The following KIAA1328 variants were observed in gnomAD, a reference collection of about 807,000 sequenced individuals.
KIAA1328 encodes the protein KIAA1328.
KIAA1328 carries 52 observed loss-of-function variants against 68.1 expected under a neutral mutation model. The ratio of observed to expected loss-of-function variants is 0.76; its 90% CI spans 0.61 to 0.96. The LOEUF is 0.96. Ranked by LOEUF, KIAA1328 falls within the 40% of genes least tolerant of loss-of-function variation. The pLI, the probability that KIAA1328 is intolerant of heterozygous loss-of-function variation, is 0.00. For missense variants in KIAA1328, 641 were observed against 677.6 expected, an observed-to-expected ratio of 0.95 and a Z score of 0.60; for synonymous variants, 232 against 239.4, an observed-to-expected ratio of 0.97 and a Z score of 0.28.
intron 9 of KIAA1328, among the ~76,000 whole-genome samples, chr18:37,189,435 C>T (rs1253061170): frequency 6.6e-6 from 1 of 152,112 alleles, no homozygotes; most frequent in Non-Finnish European, 1.5e-5. Context: ...CAGAATTTTT[C>T]ATATCAGAGG....
intron 4 of KIAA1328, among the ~76,000 whole-genome samples, chr18:36,856,325 C>T (rs939207410): frequency 6.6e-6 from 1 of 151,968 alleles, no homozygotes; most frequent in Admixed American, 6.6e-5. Flanking sequence ...TGTTGATACC[C>T]TCGATGTCAT....
At chr18:36,875,642 C>G (rs1432745678) in intron 4 of KIAA1328, among the ~76,000 whole-genome samples, 1 of 152,086 alleles carries the variant, frequency 6.6e-6, no homozygotes, top group Non-Finnish European at 1.5e-5. Context: ...CTCTTCTTCT[C>G]TTCGAATACC....
rs1293741758 is a variant in KIAA1328, at chr18:36,834,309, C to T, written c.59-11C>T. 3 of 1,572,350 alleles carry T rather than the reference C, an allele frequency of 1.9e-6. No homozygotes were observed. The highest frequency in any genetic ancestry group is 1.8e-5 in the Admixed American group (1 of 55,168). The stretch of plus-strand genomic sequence containing the variant: ...ATATTATTGTATTTTCCTTCATGTT[C>T]TCCTGCGTAGTTTCTGATGAAGAAC... On this transcript the variant is annotated splice_polypyrimidine_tract_variant and intron_variant, in intron 1 of 9. Transcript: ENST00000280020.
intron 4 of KIAA1328, among the ~76,000 whole-genome samples, chr18:36,866,379 A>T (rs1226286054): frequency 6.6e-6 from 1 of 151,972 alleles, no homozygotes; most frequent in African/African-American, 2.4e-5. Flanking sequence ...TTCTGTACAG[A>T]TGCTCTCTTT....
chr18:36,954,277 T>C (rs1181750529), intron 5 of KIAA1328, among the ~76,000 whole-genome samples: 3 of 152,216 alleles, frequency 2.0e-5, no homozygotes, highest in Admixed American at 2.0e-4. Flanking sequence ...TGATTGTTTC[T>C]TACAGCATCA....
chr18:37,195,962 C>G (rs1599565968), intron 9 of KIAA1328, among the ~76,000 whole-genome samples: 1 of 152,072 alleles, frequency 6.6e-6, no homozygotes, highest in Non-Finnish European at 1.5e-5. Context: ...TATTAATGTT[C>G]TCTTCAATTT....
chr18:37,010,511 T>TA (rs2053943902), intron 6 of KIAA1328, among the ~76,000 whole-genome samples: 1 of 151,274 alleles, frequency 6.6e-6, no homozygotes, highest in Admixed American at 6.6e-5. Context: ...TGGATCTCTT[T>TA]AATGAGGCAA....
At chr18:37,028,577 G>A (rs985148988) in intron 6 of KIAA1328, among the ~76,000 whole-genome samples, 4 of 151,866 alleles carry the variant, frequency 2.6e-5, no homozygotes, top group African/African-American at 4.8e-5. Flanking sequence ...TAGGAGTGGC[G>A]AAAATGGATG....
intron 9 of KIAA1328, among the ~76,000 whole-genome samples, chr18:37,190,201 G>A (rs976379946): frequency 1.3e-5 from 2 of 152,062 alleles, no homozygotes; most frequent in African/African-American, 4.8e-5. Context: ...AACCGTAGTT[G>A]GTCCCCCAGG....
At chr18:37,103,761 G>A (rs1439496534) in intron 7 of KIAA1328, among the ~76,000 whole-genome samples, 7 of 148,436 alleles carry the variant, frequency 4.7e-5, no homozygotes, top group South Asian at 2.2e-4. Flanking sequence ...CATCAGACAA[G>A]GACTAATATC....
intron 8 of KIAA1328, among the ~76,000 whole-genome samples, chr18:37,164,016 T>G (rs2059336091): frequency 6.6e-6 from 1 of 152,086 alleles, no homozygotes; most frequent in African/African-American, 2.4e-5. Context: ...GTGTTAAGAG[T>G]TAATGTTAAT....
At chr18:37,158,699 T>C (rs921222382) in intron 7 of KIAA1328, among the ~76,000 whole-genome samples, 1 of 152,140 alleles carries the variant, frequency 6.6e-6, no homozygotes, top group African/African-American at 2.4e-5. Context: ...CCAGTTGTGA[T>C]GGAGGATTAC....
intron 5 of KIAA1328, among the ~76,000 whole-genome samples, chr18:36,910,088 GGTA>G (rs2049377324): frequency 6.6e-6 from 1 of 152,098 alleles, no homozygotes; most frequent in Non-Finnish European, 1.5e-5. Flanking sequence ...TCACTCTGAT[GGTA>G]GTTTCTTTTG....
intron 7 of KIAA1328, among the ~76,000 whole-genome samples, chr18:37,103,506 C>A (rs1279260842): frequency 6.6e-6 from 1 of 152,084 alleles, no homozygotes; most frequent in Non-Finnish European, 1.5e-5. Context: ...AATCAACTCA[C>A]AATGGATTAA....
intron 5 of KIAA1328, among the ~76,000 whole-genome samples, chr18:36,924,431 T>G (rs1463300808): frequency 6.6e-6 from 1 of 152,024 alleles, no homozygotes; most frequent in African/African-American, 2.4e-5. Context: ...GGATTTGATG[T>G]GGGAGCTAAC....
chr18:37,084,299 A>C, intron 7 of KIAA1328: 1 of 835,848 alleles, frequency 1.2e-6, no homozygotes, highest in Non-Finnish European at 1.7e-6. Context: ...CGTTTGGTAT[A>C]CTTTTATAGC....
intron 4 of KIAA1328, among the ~76,000 whole-genome samples, chr18:36,884,237 ATG>A (rs1425035556): frequency 2.6e-5 from 4 of 152,134 alleles, no homozygotes; most frequent in Non-Finnish European, 5.9e-5. Context: ...AATTCTCTTC[ATG>A]TGTATGTATT....
chr18:37,088,256 C>T (rs2057163273), intron 7 of KIAA1328, among the ~76,000 whole-genome samples: 1 of 152,176 alleles, frequency 6.6e-6, no homozygotes, highest in African/African-American at 2.4e-5. Context: ...TTTGCAGCTT[C>T]ATAGGTTTTA....
chr18:37,114,961 A>C (rs371470302), intron 7 of KIAA1328, among the ~76,000 whole-genome samples: 1 of 152,116 alleles, frequency 6.6e-6, no homozygotes. Flanking sequence ...CAGACTAAAC[A>C]AGGAAGAAGT....
Sources: gnomAD v4.1 joint callset for allele counts (sites outside exome capture counted in the v4.1 genomes callset) on GRCh38, gnomAD v4.1.1 for gene constraint, MANE v1.5 for transcripts, NCBI Gene and HGNC (gene_info 2026-07-23, HGNC 2026-07-21) for gene names.